Variants in RPN1 observed in about 807,000 individuals in gnomAD.
RPN1 encodes dolichyl-diphosphooligosaccharide--protein glycosyltransferase subunit 1.
A neutral mutation model predicts 55.5 loss-of-function variants in RPN1; 12 were observed. That is an observed-to-expected ratio of 0.22 (90% CI 0.14 to 0.35). The LOEUF is 0.35. Ranked by LOEUF, RPN1 falls within the 10% of genes least tolerant of loss-of-function variation. The pLI is 1.00. For missense variants in RPN1, 679 were observed against 761.3 expected (o/e 0.89, Z 1.27); for synonymous variants, 317 against 305.9 (o/e 1.04, Z -0.38).
chr3:128,632,951 A>G (rs964260333), intron 3 of RPN1, among the ~76,000 whole-genome samples: 1 of 152,114 alleles, frequency 6.6e-6, no homozygotes, highest in African/African-American at 2.4e-5. Context: ...ACCTCTCAAT[A>G]AGGCCCAACA....
intron 5 of RPN1, 23 bp from the exon 6 acceptor site, chr3:128,626,855 GC>G (rs759160177): frequency 8.1e-6 from 13 of 1,601,400 alleles, no homozygotes; most frequent in Non-Finnish European, 1.1e-5. Context: ...GCAAGCATAA[GC>G]AATGATGTGG....
At chr3:128,642,961 G>T (rs531757303) in intron 2 of RPN1, among the ~76,000 whole-genome samples, 2 of 151,716 alleles carry the variant, frequency 1.3e-5, no homozygotes, top group African/African-American at 4.8e-5. Context: ...AGGTTGCAGT[G>T]AGCCGAGATC....
In RPN1 at chr3:128,620,427, A is replaced by C. The variant is rs1386629202; in HGVS notation, c.1808T>G (p.Ile603Ser). The C allele has an allele frequency of 6.2e-7, 1 of 1,613,622 alleles. No homozygotes were observed. Among genetic ancestry groups the C allele is most frequent in the Non-Finnish European group, 8.5e-7 (1 of 1,179,802 alleles). Reference protein sequence around the residue: ...RQELVTKIDHILDAL With the variant: ...RQELVTKIDHSLDAL Reference sequence around the variant, plus strand: ...GGGCAGGGGCTACAGGGCATCCAGGATGTGGTCGATCTTGGTGACCAGCTC... The same window carrying C: ...GGGCAGGGGCTACAGGGCATCCAGGCTGTGGTCGATCTTGGTGACCAGCTC... The change falls in exon 10 of 10, where the codon ATC (isoleucine) becomes AGC (serine). Residue 603 changes from isoleucine (I) to serine (S), a missense_variant. Ile to Ser is a moderately radical substitution (Grantham distance 142). This residue lies in a region of RPN1 where 306 missense variants were observed against 360.0 expected (regional missense o/e 0.85). Coordinates refer to ENST00000296255, the MANE Select transcript of RPN1 (RefSeq NM_002950.4).
Position 128,620,476 on chromosome 3 carries a change from T to G in RPN1, c.1759A>C (p.Lys587Gln). 6.2e-7 allele frequency: 1 copy of G among 1,614,036 alleles called. No homozygotes were observed. Among genetic ancestry groups the G allele is most frequent in the Non-Finnish European group, 8.5e-7 (1 of 1,179,974 alleles). ...LKKDTYIENE[K>Q]LISGKRQELV... ...TCCTGGCGCTTTCCTGAGATGAGCTTCTCATTCTCAATGTACGTGTCTTTC... is the reference window on the plus strand; with the variant it reads ...TCCTGGCGCTTTCCTGAGATGAGCTGCTCATTCTCAATGTACGTGTCTTTC... Residue 587 changes from lysine to glutamine, a missense_variant, in exon 10 of 10, where the codon AAG becomes CAG. By Grantham distance (53) the Lys-to-Gln change is moderately conservative. Transcript: ENST00000296255.
intron 3 of RPN1, among the ~76,000 whole-genome samples, chr3:128,632,868 T>C (rs1213253968): frequency 6.6e-6 from 1 of 152,156 alleles, no homozygotes; most frequent in Non-Finnish European, 1.5e-5. Flanking sequence ...GTGCTGGGAT[T>C]ACAGGCATGA....
At chr3:128,646,052 G>C (rs2712409) in intron 1 of RPN1, among the ~76,000 whole-genome samples, 92,825 of 151,298 alleles carry the variant, frequency 0.61, 28,617 homozygotes, top group East Asian at 0.77. Flanking sequence ...AGACCAGTCT[G>C]GCCAATATAG....
intron 3 of RPN1, among the ~76,000 whole-genome samples, chr3:128,635,640 G>GATATAT (rs1162489418): frequency 8.8e-6 from 1 of 114,082 alleles, no homozygotes; most frequent in Admixed American, 9.3e-5. Context: ...TATATATATA[G>GATATAT]ATATATATAT....
intron 2 of RPN1, among the ~76,000 whole-genome samples, chr3:128,642,098 G>A (rs1012921315): frequency 1.3e-5 from 2 of 152,170 alleles, no homozygotes; most frequent in African/African-American, 4.8e-5. Context: ...AGCAGCTAGA[G>A]CCAATAAACA....
intron 2 of RPN1, among the ~76,000 whole-genome samples, chr3:128,639,624 G>C (rs1297970301): frequency 6.6e-6 from 1 of 151,756 alleles, no homozygotes; most frequent in Non-Finnish European, 1.5e-5. Context: ...TCTTACTCTT[G>C]TAGCCCAGGC....
chr3:128,627,008 C>G (rs1163532384), intron 5 of RPN1, 176 bp from the exon 6 acceptor site: 1 of 596,312 alleles, frequency 1.7e-6, no homozygotes, highest in Admixed American at 2.8e-5. Flanking sequence ...CCCCACAACA[C>G]AGAGACAGGG....
At chr3:128,621,506 C>T (rs1455287472) in intron 9 of RPN1, among the ~76,000 whole-genome samples, 1 of 151,982 alleles carries the variant, frequency 6.6e-6, no homozygotes, top group African/African-American at 2.4e-5. Context: ...AAACAAACAA[C>T]AAAAAAAGTG....
chr3:128,626,555 T>G (rs1299472071), intron 6 of RPN1, among the ~76,000 whole-genome samples, 178 bp downstream of exon 6: 2 of 152,186 alleles, frequency 1.3e-5, no homozygotes, highest in African/African-American at 4.8e-5. Context: ...GGGTCTCTCA[T>G]TCTGGCAGTC....
At chr3:128,630,316 C>A (rs1288096602) in intron 4 of RPN1, among the ~76,000 whole-genome samples, 173 bp from the exon 5 acceptor site, 2 of 152,174 alleles carry the variant, frequency 1.3e-5, no homozygotes, top group African/African-American at 4.8e-5. Context: ...AGGTTTGCGT[C>A]GACTTCTCAA....
rs555766489 is a variant in RPN1 at position 128,643,196 on chromosome 3, G to A, written c.326+1723C>T. The stretch of plus-strand genomic sequence containing the variant: ...ACAAAAAGTAGCCAGGTGTGGTAGC[G>A]GACGCCTATAATCCCAGTTACTCAG... On this transcript the variant is annotated intron_variant, in intron 2 of 9. Coordinates refer to ENST00000296255, the MANE Select transcript of RPN1 (RefSeq NM_002950.4). Among the ~76,000 whole-genome samples, 19 of 148,334 alleles carry A rather than the reference G, an allele frequency of 1.3e-4. No homozygotes were observed. In the East Asian group the frequency reaches 1.8e-3, roughly 14 times the overall value.
intron 3 of RPN1, 50 bp downstream of exon 3, chr3:128,637,749 A>T: frequency 1.3e-6 from 2 of 1,567,382 alleles, no homozygotes; most frequent in Non-Finnish European, 1.7e-6. Context: ...TCACTCTGCA[A>T]GACATTCTCT....
chr3:128,648,422 G>C (rs189563324), intron 1 of RPN1, among the ~76,000 whole-genome samples: 1 of 151,682 alleles, frequency 6.6e-6, no homozygotes, highest in Non-Finnish European at 1.5e-5. Context: ...TTAGCCAGGC[G>C]TGGTGGCATG....
At chr3:128,632,437 G>A (rs570517991) in intron 3 of RPN1, among the ~76,000 whole-genome samples, 1 of 152,244 alleles carries the variant, frequency 6.6e-6, no homozygotes, top group South Asian at 2.1e-4. Flanking sequence ...TTCTAAATAA[G>A]TGCATTATCT....
intron 8 of RPN1, among the ~76,000 whole-genome samples, chr3:128,625,242 A>G (rs1201889953): frequency 6.6e-6 from 1 of 152,128 alleles, no homozygotes; most frequent in Non-Finnish European, 1.5e-5. Flanking sequence ...ACTGAATAAC[A>G]AGAAGCAAAA....
chr3:128,624,463 G>C (rs1396690775), intron 8 of RPN1, among the ~76,000 whole-genome samples: 1 of 149,118 alleles, frequency 6.7e-6, no homozygotes, highest in African/African-American at 2.5e-5. Flanking sequence ...CTGGGCAACA[G>C]AGCAAGACTC....
Sources: gnomAD v4.1 joint callset for allele counts (sites outside exome capture counted in the v4.1 genomes callset) on GRCh38, gnomAD v4.1.1 for gene constraint, gnomAD v4.1.1 regional missense constraint, MANE v1.5 for transcripts, NCBI Gene and HGNC (gene_info 2026-07-23, HGNC 2026-07-21) for gene names.